DGKB: variants seen among roughly 807,000 people sequenced by gnomAD.
DGKB encodes the protein 90 kDa diacylglycerol kinase.
DGKB carries 67 observed loss-of-function variants against 114.3 expected under a neutral mutation model. The ratio of observed to expected loss-of-function variants is 0.59; its 90% confidence interval spans 0.48 to 0.72. The LOEUF (loss-of-function observed/expected upper bound fraction) is 0.72, where lower values mean the gene tolerates loss of function less well. Among genes scored for constraint, DGKB ranks in the 30% least tolerant of loss-of-function variants. DGKB has a pLI of 0.00. For synonymous variants in DGKB, 398 were observed against 323.1 expected, an observed-to-expected ratio of 1.23 and a Z score of -2.49; for missense variants, 907 against 975.2, an observed-to-expected ratio of 0.93 and a Z score of 0.93.
Position 14,653,447 on chromosome 7 carries a change from T to C in DGKB, c.1134+19482A>G, listed in dbSNP as rs1815050390. On this transcript the variant is annotated intron_variant, in intron 13 of 25. Transcript: ENST00000402815. ...GCATATTCTCACTCATAGGTGGGAA[T>C]TGAACAATGAGATCACATGGACACA... 2.0e-5 allele frequency among the ~76,000 whole-genome samples: 3 copies of C among 152,038 alleles called. No individual in the cohort carries two copies. In the South Asian group the frequency reaches 6.2e-4, roughly 32 times the overall value.
chr7:14,259,403 CTCTCTATA>C lies in DGKB; in HGVS notation c.2122+79104_2122+79111del, dbSNP rs1228106583. 2.2e-3 allele frequency among the ~76,000 whole-genome samples: 246 copies of C among 110,360 alleles called. 2 individuals carry two copies. The highest frequency in any genetic ancestry group is 6.0e-3 in the African/African-American group (176 of 29,280). 72.4% of individuals were successfully genotyped at this position (110,360 alleles called of 152,430 possible). A position where few individuals can be genotyped will look rare whatever the true frequency, so the allele number is the denominator to read the frequency against. On this transcript the variant is annotated intron_variant, in intron 23 of 25. Coordinates refer to ENST00000402815, the MANE Select transcript of DGKB (RefSeq NM_001350709.2). ...TTTCTCTCTCTCTCTCTCTCTCTCT[CTCTCTATA>C]TATATATATATATATATGGTTTTGT...
Position 14,720,113 on chromosome 7 carries a change from C to T in DGKB, c.323-1428G>A, listed in dbSNP as rs187266454. 5.6e-4 allele frequency among the ~76,000 whole-genome samples: 85 copies of T among 150,460 alleles called. 1 individual carries two copies. The highest frequency in any genetic ancestry group is 1.5e-3 in the African/African-American group (61 of 40,004). On this transcript the variant is annotated intron_variant, in intron 5 of 25. Transcript: ENST00000402815. ...ACACACACGCACGCACGCACACACA[C>T]GCACACACACATTAGTGGGATTCAT...
intron 22 of DGKB, among the ~76,000 whole-genome samples, chr7:14,340,951 A>T (rs986890385): frequency 6.6e-6 from 1 of 151,532 alleles, no homozygotes; most frequent in African/African-American, 2.4e-5. Context: ...TCCTTTGTTC[A>T]TCTGCAGAAA....
chr7:14,774,213 G>A (rs1396606421), intron 2 of DGKB, among the ~76,000 whole-genome samples: 6 of 152,092 alleles, frequency 3.9e-5, no homozygotes, highest in African/African-American at 1.4e-4. Context: ...GAAAACACTT[G>A]GAAAGTATCT....
chr7:14,403,162 C>CAT (rs1823394922), intron 21 of DGKB, among the ~76,000 whole-genome samples: 1 of 151,814 alleles, frequency 6.6e-6, no homozygotes, highest in African/African-American at 2.4e-5. Flanking sequence ...GAAGAAATTA[C>CAT]ATATATATAC....
intron 23 of DGKB, among the ~76,000 whole-genome samples, chr7:14,233,727 A>T (rs2128346391): frequency 6.6e-6 from 1 of 152,140 alleles, no homozygotes; most frequent in South Asian, 2.1e-4. Context: ...TATCTGCATC[A>T]TTGAGAACCA....
intron 25 of DGKB, among the ~76,000 whole-genome samples, chr7:14,152,986 A>C (rs7777178): frequency 1.3e-5 from 2 of 151,866 alleles, no homozygotes. Context: ...ACATATTATC[A>C]GAGAAGAGTG....
chr7:14,318,894 C>A (rs1159469644), intron 23 of DGKB, among the ~76,000 whole-genome samples: 3 of 152,204 alleles, frequency 2.0e-5, no homozygotes, highest in East Asian at 3.9e-4. Flanking sequence ...ACCCAAATGT[C>A]CCACAATGAT....
At chr7:14,886,326 A>G (rs901672283) in intron 1 of DGKB, among the ~76,000 whole-genome samples, 1 of 151,904 alleles carries the variant, frequency 6.6e-6, no homozygotes, top group South Asian at 2.1e-4. Flanking sequence ...CTCAGTTTTG[A>G]TACTATTCTT....
intron 23 of DGKB, among the ~76,000 whole-genome samples, chr7:14,200,068 C>T (rs1037438371): frequency 1.3e-5 from 2 of 152,024 alleles, no homozygotes; most frequent in African/African-American, 4.8e-5. Flanking sequence ...TGGAGGCCAA[C>T]ATGCCACTGC....
At chr7:14,626,552 A>G (rs1808626174) in intron 14 of DGKB, among the ~76,000 whole-genome samples, 1 of 152,222 alleles carries the variant, frequency 6.6e-6, no homozygotes, top group South Asian at 2.1e-4. Context: ...TACCACATTC[A>G]GCAGGGCTTA....
intron 20 of DGKB, among the ~76,000 whole-genome samples, chr7:14,566,152 G>A (rs1007743279): frequency 6.6e-6 from 1 of 152,002 alleles, no homozygotes; most frequent in African/African-American, 2.4e-5. Context: ...AAATGCTTTA[G>A]GAAGATGTAA....
At chr7:14,200,714 T>A (rs1480149440) in intron 23 of DGKB, among the ~76,000 whole-genome samples, 1 of 151,962 alleles carries the variant, frequency 6.6e-6, no homozygotes, top group Non-Finnish European at 1.5e-5. Context: ...CTGAGATAGA[T>A]GTAAAAAGCT....
chr7:14,695,312 C>T (rs1056794652), intron 8 of DGKB, among the ~76,000 whole-genome samples: 2 of 151,738 alleles, frequency 1.3e-5, no homozygotes, highest in Admixed American at 6.6e-5. Context: ...CTTTTTGTAC[C>T]TAATAAATCT....
intron 6 of DGKB, among the ~76,000 whole-genome samples, chr7:14,713,852 A>G (rs1827757771): frequency 6.6e-6 from 1 of 152,112 alleles, no homozygotes; most frequent in African/African-American, 2.4e-5. Context: ...AGGAAATGTA[A>G]GATAATATAA....
At chr7:14,601,493 A>G (rs911587229) in intron 17 of DGKB, among the ~76,000 whole-genome samples, 1 of 152,136 alleles carries the variant, frequency 6.6e-6, no homozygotes, top group Non-Finnish European at 1.5e-5. Context: ...TCATAAACAC[A>G]TTTCTCTTTC....
intron 6 of DGKB, among the ~76,000 whole-genome samples, chr7:14,718,255 T>C (rs945580646): frequency 6.6e-6 from 1 of 152,144 alleles, no homozygotes; most frequent in Non-Finnish European, 1.5e-5. Flanking sequence ...TATTTTCTAA[T>C]AGCATCTTGT....
intron 20 of DGKB, among the ~76,000 whole-genome samples, chr7:14,572,338 G>A (rs961111764): frequency 1.7e-4 from 25 of 151,206 alleles, no homozygotes; most frequent in African/African-American, 4.9e-4. Flanking sequence ...TGTAGTCCCA[G>A]CTACTCGGGA....
At chr7:14,436,524 T>C (rs1829295659) in intron 21 of DGKB, among the ~76,000 whole-genome samples, 1 of 152,046 alleles carries the variant, frequency 6.6e-6, no homozygotes, top group Admixed American at 6.6e-5. Flanking sequence ...GCTGTCCACT[T>C]GGGGACAAGT....
Sources: allele counts gnomAD v4.1 joint callset (sites outside exome capture counted in the v4.1 genomes callset), GRCh38; gene constraint gnomAD v4.1.1; transcripts MANE v1.5; gene names NCBI Gene and HGNC (gene_info 2026-07-23, HGNC 2026-07-21).